The following CATSPERE variants were observed in gnomAD, a reference collection of about 807,000 sequenced individuals.
The protein encoded by CATSPERE is catsper channel auxiliary subunit epsilon.
A neutral mutation model predicts 114.1 loss-of-function variants in CATSPERE; 93 were observed. That is an observed-to-expected ratio of 0.81 (90% CI 0.69 to 0.97). The LOEUF (loss-of-function observed/expected upper bound fraction) is 0.97. CATSPERE is among the 50% of genes least tolerant of loss of function. CATSPERE has a pLI of 0.00. For synonymous variants in CATSPERE, 341 were observed against 384.1 expected, an observed-to-expected ratio of 0.89 and a Z score of 1.31; for missense variants, 1,058 against 1,131.6, an observed-to-expected ratio of 0.93 and a Z score of 0.93.
chr1:244,451,396 G>A (rs1665590037), upstream of CATSPERE, among the ~76,000 whole-genome samples: 1 of 152,134 alleles, frequency 6.6e-6, no homozygotes, highest in African/African-American at 2.4e-5. The surrounding 1 kb of genome is among the most constrained non-coding windows in gnomAD (Gnocchi z 6.6). Flanking sequence ...AAGGCTCCCC[G>A]CCAGCCCACC....
chr1:244,580,979 C>T (rs979039349), intron 11 of CATSPERE, among the ~76,000 whole-genome samples: 5 of 151,608 alleles, frequency 3.3e-5, no homozygotes, highest in East Asian at 1.9e-4. Flanking sequence ...TCAGCCTGGG[C>T]GACAAGAGTG....
At chr1:244,591,046 A>G (rs1230569895) in intron 14 of CATSPERE, among the ~76,000 whole-genome samples, 1 of 152,208 alleles carries the variant, frequency 6.6e-6, no homozygotes, top group Non-Finnish European at 1.5e-5. Context: ...ACTGTTTTAC[A>G]TTATCACCAG....
At chr1:244,532,993 C>G (rs945027050) in intron 8 of CATSPERE, among the ~76,000 whole-genome samples, 1 of 152,000 alleles carries the variant, frequency 6.6e-6, no homozygotes, top group Non-Finnish European at 1.5e-5. Context: ...CTCTCTCTCT[C>G]TTTAGCTCTA....
intron 1 of CATSPERE, among the ~76,000 whole-genome samples, chr1:244,461,740 A>G (rs919397771): frequency 1.6e-4 from 24 of 152,174 alleles, no homozygotes; most frequent in African/African-American, 5.8e-4. Context: ...GTAAGGTCGC[A>G]GTACCTTCAT....
At chr1:244,477,478 C>A in intron 2 of CATSPERE, 63 bp from the exon 3 acceptor site, 1 of 885,332 alleles carries the variant, frequency 1.1e-6, no homozygotes, top group Non-Finnish European at 1.8e-6. Flanking sequence ...AATCCTACAA[C>A]GGAACCCTGA....
intron 20 of CATSPERE, among the ~76,000 whole-genome samples, chr1:244,629,711 C>T (rs1246666440): frequency 2.0e-5 from 3 of 151,764 alleles, no homozygotes; most frequent in Non-Finnish European, 4.4e-5. Context: ...ATGATCTCAG[C>T]TCAATGCAGT....
intron 6 of CATSPERE, among the ~76,000 whole-genome samples, chr1:244,492,151 T>C (rs1345407171): frequency 6.6e-6 from 1 of 151,642 alleles, no homozygotes; most frequent in Non-Finnish European, 1.5e-5. Flanking sequence ...AAAAAGAGAA[T>C]TTTAGACCAA....
chr1:244,465,271 T>G (rs1003335366), intron 2 of CATSPERE, among the ~76,000 whole-genome samples: 5 of 152,250 alleles, frequency 3.3e-5, no homozygotes, highest in African/African-American at 1.2e-4. Context: ...CCTGACCTCG[T>G]GATCCACCAG....
intron 8 of CATSPERE, among the ~76,000 whole-genome samples, chr1:244,546,038 A>T (rs549650303): frequency 1.4e-4 from 21 of 152,140 alleles, no homozygotes; most frequent in Admixed American, 3.3e-4. Context: ...CTTTCTGGGC[A>T]CCCCTGAAGC....
At chr1:244,509,464 T>C (rs1463548012) in intron 7 of CATSPERE, among the ~76,000 whole-genome samples, 2 of 152,176 alleles carry the variant, frequency 1.3e-5, no homozygotes, top group Non-Finnish European at 2.9e-5. Flanking sequence ...TGATGTCTTG[T>C]TGGATTCATT....
chr1:244,514,370 G>C (rs1676239929), intron 7 of CATSPERE, among the ~76,000 whole-genome samples: 1 of 152,158 alleles, frequency 6.6e-6, no homozygotes, highest in African/African-American at 2.4e-5. Flanking sequence ...AAACAGTTAA[G>C]TGGTTTTCAG....
chr1:244,639,081 G>A (rs528767052), intron 21 of CATSPERE, among the ~76,000 whole-genome samples: 2 of 152,108 alleles, frequency 1.3e-5, no homozygotes, highest in Admixed American at 1.3e-4. Flanking sequence ...TTCTCATCTG[G>A]CCCTGCCCAC....
rs763437521 is a variant in CATSPERE, at chr1:244,575,029, ATCTC to A, written c.1950+2266_1950+2269del. On this transcript the variant is annotated intron_variant, in intron 11 of 21. Coordinates refer to ENST00000366534, the MANE Select transcript of CATSPERE (RefSeq NM_001130957.2). This position sits in a 1 kb window ranked among gnomAD's most constrained non-coding sequence, Gnocchi z 4.5. ...TCTCGCTCACTTATTCTCTCCCTCT[ATCTC>A]TCTCTCTCATTTGCGCTGTCTCCCT... Among the ~76,000 whole-genome samples, 30 of 129,924 alleles carry A rather than the reference ATCTC, an allele frequency of 2.3e-4. 1 individual carries two copies. The highest frequency in any genetic ancestry group is 8.1e-3 in the Middle Eastern group (2 of 248). 85.2% of individuals were successfully genotyped at this position (129,924 alleles called of 152,430 possible). A position where few individuals can be genotyped will look rare whatever the true frequency, so the allele number is the denominator to read the frequency against.
rs10524749 is a variant in CATSPERE at position 244,489,450 on chromosome 1, A to ATTTTTTTTT, written c.327-974_327-966dup. Among the ~76,000 whole-genome samples, 98 of 85,560 alleles carry ATTTTTTTTT rather than the reference A, an allele frequency of 1.1e-3. 6 individuals are homozygous for ATTTTTTTTT. The highest frequency in any genetic ancestry group is 4.4e-3 in the African/African-American group (98 of 22,116). The allele number at this position is 85,560 out of a possible 152,430, so 56.1% of individuals were successfully genotyped here. On this transcript the variant is annotated intron_variant, in intron 5 of 21. Coordinates refer to ENST00000366534, the MANE Select transcript of CATSPERE (RefSeq NM_001130957.2). ...CTTGCAGTATTAAGGAAGCATGCAG[A>ATTTTTTTTT]TTTTTTTTTTTTTTTTTTTTTTTTT...
At chr1:244,457,965 AATT>A (rs1164596493), upstream of CATSPERE, among the ~76,000 whole-genome samples, 1 of 152,182 alleles carries the variant, frequency 6.6e-6, no homozygotes, top group African/African-American at 2.4e-5. Context: ...TAATAATTAT[AATT>A]ATTATGTTAA....
At chr1:244,614,254 G>T (rs1465354992) in intron 19 of CATSPERE, among the ~76,000 whole-genome samples, 1 of 152,326 alleles carries the variant, frequency 6.6e-6, no homozygotes, top group East Asian at 1.9e-4. Flanking sequence ...TCTGCAGCTG[G>T]CACCACCCTG....
In CATSPERE at chr1:244,566,652, C is replaced by CTT. The variant is rs59466928; in HGVS notation, c.1507+5541_1507+5542dup. Among the ~76,000 whole-genome samples the CTT allele has an allele frequency of 4.2e-3, 206 of 48,808 alleles. 22 individuals are homozygous for CTT. The highest frequency in any genetic ancestry group is 8.5e-3 in the Non-Finnish European group (121 of 14,184). 32.0% of individuals were successfully genotyped at this position (48,808 alleles called of 152,430 possible). On this transcript the variant is annotated intron_variant, in intron 10 of 21. Coordinates refer to ENST00000366534, the MANE Select transcript of CATSPERE (RefSeq NM_001130957.2). ...TCAGAGACTAGGATTGCAACCCCTGCTTTTTTTTTTTTTTTTTTTTTTTTT... is the reference window on the plus strand; with the variant it reads ...TCAGAGACTAGGATTGCAACCCCTGCTTTTTTTTTTTTTTTTTTTTTTTTTTT...
chr1:244,469,217 GT>G, intron 2 of CATSPERE, among the ~76,000 whole-genome samples: 2 of 151,954 alleles, frequency 1.3e-5, no homozygotes, highest in South Asian at 4.2e-4. Flanking sequence ...ACTTTTATTA[GT>G]AAAACATTTA....
chr1:244,593,574 C>G lies in CATSPERE; in HGVS notation c.2299C>G (p.Gln767Glu). The change falls in exon 17 of 22, where the codon CAA (glutamine) becomes GAA (glutamate). Residue 767 changes from glutamine to glutamate, a missense_variant. Around this residue, in one of 2 missense-constraint regions of CATSPERE, gnomAD observed 787 missense variants for 905.6 expected, o/e 0.87. Transcript: ENST00000366534. ...CACAGAAAAGTTTCAACCTGTGGTT[C>G]AACTGTAAGTATATTCTCATCAACA... ...DFTEKFQPVV[Q>E]LFDDNGYVKD... The G allele has an allele frequency of 6.2e-7, 1 of 1,611,508 alleles. No homozygotes were observed. Among genetic ancestry groups the G allele is most frequent in the Non-Finnish European group, 8.5e-7 (1 of 1,177,786 alleles).
Sources: allele counts gnomAD v4.1 joint callset (sites outside exome capture counted in the v4.1 genomes callset), GRCh38; gene constraint gnomAD v4.1.1; regional missense constraint gnomAD v4.1.1; non-coding constraint Gnocchi (gnomAD v3.1); transcripts MANE v1.5; gene names NCBI Gene and HGNC (gene_info 2026-07-23, HGNC 2026-07-21).